PELI2: variants seen among roughly 807,000 people sequenced by gnomAD.
PELI2 encodes the protein pellino E3 ubiquitin protein ligase family member 2, also known as E3 ubiquitin-protein ligase pellino homolog 2.
PELI2 carries 23 observed loss-of-function variants against 42.3 expected under a neutral mutation model. That is an observed-to-expected ratio of 0.54 (90% CI 0.39 to 0.77). The LOEUF is 0.77. Ranked by LOEUF, PELI2 falls within the 30% of genes least tolerant of loss-of-function variation. The pLI, the probability that PELI2 is intolerant of heterozygous loss-of-function variation, is 0.00. For missense variants in PELI2, 463 were observed against 553.2 expected, an observed-to-expected ratio of 0.84 and a Z score of 1.64; for synonymous variants, 245 against 212.2, an observed-to-expected ratio of 1.15 and a Z score of -1.34.
chr14:56,153,332 G>T (rs1224883336), intron 1 of PELI2, among the ~76,000 whole-genome samples: 2 of 152,146 alleles, frequency 1.3e-5, no homozygotes, highest in African/African-American at 4.8e-5. Flanking sequence ...TCTCTGAGTT[G>T]CCTGTGGTTC....
At chr14:56,266,078 C>T (rs1379068185) in intron 2 of PELI2, among the ~76,000 whole-genome samples, 1 of 151,926 alleles carries the variant, frequency 6.6e-6, no homozygotes, top group Non-Finnish European at 1.5e-5. Context: ...ATGCTGAAAA[C>T]AAACTATACC....
chr14:56,263,344 G>A (rs1486946194), intron 2 of PELI2, among the ~76,000 whole-genome samples: 2 of 152,030 alleles, frequency 1.3e-5, no homozygotes, highest in African/African-American at 2.4e-5. Flanking sequence ...AAGAATGCAG[G>A]ATATAGAATT....
At chr14:56,159,306 C>T (rs939678143) in intron 1 of PELI2, among the ~76,000 whole-genome samples, 1 of 152,224 alleles carries the variant, frequency 6.6e-6, no homozygotes, top group Non-Finnish European at 1.5e-5. Flanking sequence ...AAGTGTCTCT[C>T]ATTCTCCTTG....
chr14:56,138,530 A>G (rs914256464), intron 1 of PELI2, among the ~76,000 whole-genome samples: 5 of 152,092 alleles, frequency 3.3e-5, no homozygotes, highest in Non-Finnish European at 7.3e-5. Flanking sequence ...TTATTAGACT[A>G]TGAAACGACA....
chr14:56,119,397 GGGGAGGGACA>G (rs1882981144), intron 1 of PELI2, among the ~76,000 whole-genome samples: 1 of 150,252 alleles, frequency 6.7e-6, no homozygotes, highest in South Asian at 2.1e-4. Flanking sequence ...GTGCTCTGGA[GGGGAGGGACA>G]GGATGCGGCT....
intron 1 of PELI2, among the ~76,000 whole-genome samples, chr14:56,177,891 A>G (rs1174040538): frequency 1.3e-5 from 2 of 152,208 alleles, no homozygotes; most frequent in Non-Finnish European, 2.9e-5. Flanking sequence ...CCTGCAGACA[A>G]CATTAACATG....
intron 2 of PELI2, among the ~76,000 whole-genome samples, chr14:56,264,368 T>C (rs1383402798): frequency 6.6e-6 from 1 of 152,188 alleles, no homozygotes; most frequent in Admixed American, 6.5e-5. Flanking sequence ...CATTGTTCAG[T>C]TAATGTGCTC....
intron 2 of PELI2, among the ~76,000 whole-genome samples, chr14:56,244,281 C>T (rs188871389): frequency 5.1e-4 from 77 of 152,278 alleles, no homozygotes; most frequent in African/African-American, 1.3e-3. Context: ...TTGGCAAAAT[C>T]GTTGATCAAA....
rs1222313703 is a variant in PELI2, at chr14:56,134,298, C to T, written c.77+15561C>T. ...TCTTAGTATGTAGTATTAAAGTCTC[C>T]CCAGAAAAATCAACAAACTGAAACA... On this transcript the variant is annotated intron_variant, in intron 1 of 5. Coordinates refer to ENST00000267460, the MANE Select transcript of PELI2 (RefSeq NM_021255.3). 2.6e-5 allele frequency among the ~76,000 whole-genome samples: 4 copies of T among 152,030 alleles called. No homozygotes were observed. In the East Asian group the frequency reaches 5.8e-4, roughly 22 times the overall value.
In PELI2 at chr14:56,197,945, A is replaced by G. The variant is rs75134603; in HGVS notation, c.207+19481A>G. The stretch of plus-strand genomic sequence containing the variant: ...CACACACACACACACACACACACAC[A>G]CACCAGGGATCATGACTGGTGAAGA... On this transcript the variant is annotated intron_variant, in intron 2 of 5. Coordinates refer to ENST00000267460, the MANE Select transcript of PELI2 (RefSeq NM_021255.3). The surrounding 1 kb of genome is among the most constrained non-coding windows in gnomAD (Gnocchi z 4.9). Among the ~76,000 whole-genome samples the G allele has an allele frequency of 0.051, 6,181 of 121,630 alleles. 461 individuals are homozygous for G. The highest frequency in any genetic ancestry group is 0.17 in the African/African-American group (5,845 of 33,948). 79.8% of individuals were successfully genotyped at this position (121,630 alleles called of 152,430 possible).
In PELI2 at chr14:56,266,499, T is replaced by C. The variant is rs182327836; in HGVS notation, c.208-13177T>C. 1.9e-3 allele frequency among the ~76,000 whole-genome samples: 291 copies of C among 152,170 alleles called. 1 individual carries two copies. The highest frequency in any genetic ancestry group is 6.6e-3 in the African/African-American group (274 of 41,578). On this transcript the variant is annotated intron_variant, in intron 2 of 5. Transcript: ENST00000267460. ...TAACTCTTAAGCATTCTTAAAAGCC[T>C]TATTCATAGAAATGCTAATTAAAAG...
chr14:56,159,915 G>C (rs935404659), intron 1 of PELI2, among the ~76,000 whole-genome samples: 1 of 151,526 alleles, frequency 6.6e-6, no homozygotes, highest in African/African-American at 2.4e-5. Context: ...TTCAATAACA[G>C]TACCTATTTG....
At position 56,234,756 on chromosome 14, in the gene PELI2, A is replaced by T. The variant is rs570757879; in HGVS notation, c.208-44920A>T. ...CCTAGAACTTAAAGTATTTTTTTTA[A>T]AAAATGTAAAAAGTGAAGCCTGGTG... is the stretch of plus-strand genomic sequence containing the variant. On this transcript the variant is annotated intron_variant, in intron 2 of 5. Transcript: ENST00000267460. Among the ~76,000 whole-genome samples, 513 of 137,640 alleles carry T rather than the reference A, an allele frequency of 3.7e-3. 2 individuals are homozygous for T. The highest frequency in any genetic ancestry group is 0.011 in the African/African-American group (417 of 39,088). The allele number at this position is 137,640 out of a possible 152,430, so 90.3% of individuals were successfully genotyped here.
At chr14:56,253,430 A>G (rs531790573) in intron 2 of PELI2, among the ~76,000 whole-genome samples, 4 of 152,352 alleles carry the variant, frequency 2.6e-5, no homozygotes, top group South Asian at 4.1e-4. Context: ...TGCAGATGAC[A>G]TGATTGTATA....
At chr14:56,181,205 CTGTT>C (rs1885566294) in intron 2 of PELI2, among the ~76,000 whole-genome samples, 2 of 152,108 alleles carry the variant, frequency 1.3e-5, no homozygotes, top group South Asian at 2.1e-4. Context: ...TAGCCTGTCT[CTGTT>C]TGCCACGGTT....
chr14:56,234,399 C>A (rs1220848767), intron 2 of PELI2, among the ~76,000 whole-genome samples: 1 of 152,182 alleles, frequency 6.6e-6, no homozygotes, highest in African/African-American at 2.4e-5. Flanking sequence ...GGTACATATA[C>A]ACCATGGAAT....
intron 3 of PELI2, among the ~76,000 whole-genome samples, chr14:56,284,481 C>G (rs1204584079): frequency 1.3e-5 from 2 of 152,148 alleles, no homozygotes; most frequent in African/African-American, 2.4e-5. Flanking sequence ...TCAGATTTCA[C>G]AGTTTCACAG....
At chr14:56,185,239 T>C (rs531810366) in intron 2 of PELI2, among the ~76,000 whole-genome samples, 7 of 152,298 alleles carry the variant, frequency 4.6e-5, no homozygotes, top group African/African-American at 1.7e-4. Flanking sequence ...TCAGTACTTT[T>C]CTGTAAAATT....
chr14:56,147,711 T>C (rs1411704381), intron 1 of PELI2, among the ~76,000 whole-genome samples: 1 of 152,234 alleles, frequency 6.6e-6, no homozygotes, highest in Admixed American at 6.5e-5. Flanking sequence ...TTCTCTGTCT[T>C]GTGATGGAAT....
Sources: gnomAD v4.1 joint callset for allele counts (sites outside exome capture counted in the v4.1 genomes callset) on GRCh38, gnomAD v4.1.1 for gene constraint, Gnocchi (gnomAD v3.1) non-coding constraint, MANE v1.5 for transcripts, NCBI Gene and HGNC (gene_info 2026-07-23, HGNC 2026-07-21) for gene names.